CTNNA3: variants seen among roughly 807,000 people sequenced by gnomAD.
CTNNA3 encodes catenin alpha-3.
A neutral mutation model predicts 95.7 loss-of-function variants in CTNNA3; 76 were observed. That is an observed-to-expected ratio of 0.79 (90% confidence interval 0.66 to 0.96). The LOEUF (loss-of-function observed/expected upper bound fraction) is 0.96. CTNNA3 is among the 40% of genes least tolerant of loss of function. The probability of loss-of-function intolerance (pLI) is 0.00; values close to 1 mark genes in which losing one functional copy is unlikely to be tolerated. For missense variants in CTNNA3, 1,191 were observed against 1,089.8 expected (o/e 1.09, Z -1.31); for synonymous variants, 431 against 374.4 (o/e 1.15, Z -1.74).
intron 7 of CTNNA3, among the ~76,000 whole-genome samples, chr10:67,095,278 G>A (rs1391645066): frequency 6.6e-6 from 1 of 151,532 alleles, no homozygotes; most frequent in Non-Finnish European, 1.5e-5. Flanking sequence ...ACATGGAAAT[G>A]ATATATGTTA....
At chr10:66,499,660 C>T (rs1388750924) in intron 11 of CTNNA3, among the ~76,000 whole-genome samples, 1 of 151,972 alleles carries the variant, frequency 6.6e-6, no homozygotes, top group Non-Finnish European at 1.5e-5. Flanking sequence ...AGAATTTGAG[C>T]AATTAAGGAA....
At chr10:66,791,250 A>G (rs978985893) in intron 7 of CTNNA3, among the ~76,000 whole-genome samples, 1 of 152,138 alleles carries the variant, frequency 6.6e-6, no homozygotes, top group African/African-American at 2.4e-5. Context: ...CAAATCCTTA[A>G]CACATCCTAA....
intron 15 of CTNNA3, among the ~76,000 whole-genome samples, chr10:66,056,173 G>A (rs1253027769): frequency 6.6e-6 from 1 of 151,854 alleles, no homozygotes; most frequent in Non-Finnish European, 1.5e-5. Flanking sequence ...TATATATAGC[G>A]TTTATCTTAT....
chr10:66,328,680 C>A (rs1406751124), intron 12 of CTNNA3, among the ~76,000 whole-genome samples: 1 of 151,370 alleles, frequency 6.6e-6, no homozygotes. Context: ...TGAGGAATGA[C>A]CCATGCAATT....
chr10:66,987,160 G>A (rs1334432224), intron 7 of CTNNA3, among the ~76,000 whole-genome samples: 2 of 152,134 alleles, frequency 1.3e-5, no homozygotes, highest in Non-Finnish European at 2.9e-5. Context: ...TTTGAAACAC[G>A]GACACAGGGC....
chr10:67,019,807 T>C (rs1852882008), intron 7 of CTNNA3, among the ~76,000 whole-genome samples: 1 of 152,200 alleles, frequency 6.6e-6, no homozygotes, highest in African/African-American at 2.4e-5. Flanking sequence ...CCTTACTCAC[T>C]TTAAGTTCAA....
chr10:67,743,085 T>C (rs1379852175), intron 1 of CTNNA3, among the ~76,000 whole-genome samples: 1 of 151,270 alleles, frequency 6.6e-6, no homozygotes, highest in African/African-American at 2.4e-5. Flanking sequence ...AAACAGGAGC[T>C]GGTACCATTC....
intron 5 of CTNNA3, among the ~76,000 whole-genome samples, chr10:67,501,851 G>A (rs1589365055): frequency 6.6e-6 from 1 of 151,806 alleles, no homozygotes; most frequent in Non-Finnish European, 1.5e-5. Context: ...GGTTATTCTA[G>A]TTAGCAATTC....
intron 12 of CTNNA3, among the ~76,000 whole-genome samples, chr10:66,320,126 A>G (rs1315259244): frequency 6.6e-6 from 1 of 152,084 alleles, no homozygotes; most frequent in Non-Finnish European, 1.5e-5. Context: ...CACCTGATAT[A>G]TAAGTCTTAT....
intron 3 of CTNNA3, among the ~76,000 whole-genome samples, chr10:67,554,741 A>G (rs1257124600): frequency 3.9e-5 from 6 of 152,190 alleles, no homozygotes; most frequent in African/African-American, 9.7e-5. Flanking sequence ...TTTGCTGTGC[A>G]GAAGCTCTTC....
chr10:66,442,988 A>C (rs2093387042), intron 11 of CTNNA3, among the ~76,000 whole-genome samples: 1 of 152,186 alleles, frequency 6.6e-6, no homozygotes, highest in Admixed American at 6.5e-5. Flanking sequence ...GGGCTTAAAA[A>C]ACAGCACACC....
chr10:67,064,812 TG>T (rs1315543085), intron 7 of CTNNA3, among the ~76,000 whole-genome samples: 1 of 151,180 alleles, frequency 6.6e-6, no homozygotes, highest in African/African-American at 2.4e-5. Context: ...ACATTAGATG[TG>T]GTAACTTCTT....
At chr10:66,099,955 T>G (rs1360418337) in intron 14 of CTNNA3, among the ~76,000 whole-genome samples, 1 of 152,174 alleles carries the variant, frequency 6.6e-6, no homozygotes, top group East Asian at 1.9e-4. Flanking sequence ...TGAGCCTTAG[T>G]GATCTTATTA....
chr10:66,107,091 T>A (rs2081943602), intron 13 of CTNNA3, among the ~76,000 whole-genome samples: 1 of 152,206 alleles, frequency 6.6e-6, no homozygotes, highest in African/African-American at 2.4e-5. Context: ...AGATTCACTC[T>A]AGCATGATTC....
At chr10:67,739,104 A>T (rs1470298309) in intron 1 of CTNNA3, among the ~76,000 whole-genome samples, 1 of 152,102 alleles carries the variant, frequency 6.6e-6, no homozygotes, top group Non-Finnish European at 1.5e-5. Context: ...CCACAAAGAT[A>T]CTCCTGGAGA....
chr10:66,098,201 C>T (rs1278305551), intron 14 of CTNNA3: 1 of 152,132 alleles, frequency 6.6e-6, no homozygotes, highest in Non-Finnish European at 1.5e-5. Flanking sequence ...CTTTCTAGTA[C>T]AGCAATTTAT....
At position 66,548,189 on chromosome 10, in the gene CTNNA3, T is replaced by C. The variant is rs557388299; in HGVS notation, c.1375-27416A>G. Among the ~76,000 whole-genome samples the C allele has an allele frequency of 2.0e-5, 3 of 152,296 alleles. No individual in the cohort carries two copies. In the South Asian group the frequency reaches 6.2e-4, roughly 32 times the overall value. ...ACCTCGGCCTCCCAAAGTGCTGGGATTACAGGTGTGAGACACCGTGCCTGG... is the reference window on the plus strand; with the variant it reads ...ACCTCGGCCTCCCAAAGTGCTGGGACTACAGGTGTGAGACACCGTGCCTGG... On this transcript the variant is annotated intron_variant, in intron 10 of 17. Transcript: ENST00000433211.
chr10:67,293,851 A>AT (rs1486180891), intron 5 of CTNNA3, among the ~76,000 whole-genome samples: 3 of 152,044 alleles, frequency 2.0e-5, no homozygotes, highest in African/African-American at 7.2e-5. Flanking sequence ...TGAACTCATC[A>AT]TTTTTTATGG....
At chr10:66,902,492 A>T (rs1589398614) in intron 7 of CTNNA3, among the ~76,000 whole-genome samples, 1 of 152,104 alleles carries the variant, frequency 6.6e-6, no homozygotes, top group Admixed American at 6.6e-5. Flanking sequence ...AGAGCAAACA[A>T]ATTCAAAAGC....
Sources: gnomAD v4.1 joint callset for allele counts (sites outside exome capture counted in the v4.1 genomes callset) on GRCh38, gnomAD v4.1.1 for gene constraint, MANE v1.5 for transcripts, NCBI Gene and HGNC (gene_info 2026-07-23, HGNC 2026-07-21) for gene names.